Variants in HEG1 observed in about 807,000 individuals in gnomAD.
HEG1 encodes the protein heart development protein with EGF like domains 1.
HEG1 carries 56 observed loss-of-function variants against 125.6 expected under a neutral mutation model. That is an observed-to-expected ratio of 0.45 (90% CI 0.36 to 0.56). The LOEUF is 0.56. Ranked by LOEUF, HEG1 falls within the 20% of genes least tolerant of loss-of-function variation. The pLI is 0.00. For missense variants in HEG1, 1,523 were observed against 1,670.0 expected (o/e 0.91, Z 1.53); for synonymous variants, 644 against 668.5 (o/e 0.96, Z 0.57).
chr3:124,966,443 T>G lies in HEG1; in HGVS notation c.*4209A>C, dbSNP rs1325171648. The G allele has an allele frequency of 6.6e-6, 1 of 152,144 alleles. No individual in the cohort carries two copies. The highest frequency in any genetic ancestry group is 2.4e-5 in the African/African-American group (1 of 41,426). 9.4% of individuals were successfully genotyped at this position (152,144 alleles called of 1,614,324 possible). ...TAGTCAGTTCTCTTCCTTGGAGATT[T>G]AAGAAAAAAAGAAAACATACCCAAA... On this transcript the variant is annotated 3_prime_UTR_variant, in exon 17 of 17. Transcript: ENST00000311127.
intron 1 of HEG1, among the ~76,000 whole-genome samples, chr3:125,035,351 G>A (rs561708474): frequency 6.6e-6 from 1 of 152,200 alleles, no homozygotes; most frequent in Admixed American, 6.5e-5. Context: ...AACGAAACAT[G>A]TACCTCTATC....
At chr3:124,989,475 T>A (rs1274749608) in intron 14 of HEG1, among the ~76,000 whole-genome samples, 1 of 151,224 alleles carries the variant, frequency 6.6e-6, no homozygotes, top group Admixed American at 6.6e-5. Flanking sequence ...TTGTTAGTAT[T>A]TCTATTACAT....
At chr3:124,977,813 G>A (rs1165483251) in intron 15 of HEG1, 46 bp downstream of exon 15, 2 of 1,269,676 alleles carry the variant, frequency 1.6e-6, no homozygotes, top group African/African-American at 3.0e-5. Context: ...CCCTTGTATA[G>A]CACAGGCAAA....
chr3:125,040,432 G>A (rs375162272), intron 1 of HEG1, among the ~76,000 whole-genome samples: 1 of 152,076 alleles, frequency 6.6e-6, no homozygotes, highest in African/African-American at 2.4e-5. Flanking sequence ...CTAGGGTGTC[G>A]CCTGGTAGAA....
chr3:125,050,142 CTT>C (rs35715939), intron 1 of HEG1, among the ~76,000 whole-genome samples: 3,548 of 113,558 alleles, frequency 0.031, 48 homozygotes, highest in South Asian at 0.11. Context: ...CACCAACTCT[CTT>C]TTTTTTTTTT....
At chr3:125,037,175 T>C (rs9289240) in intron 1 of HEG1, among the ~76,000 whole-genome samples, 27,077 of 152,248 alleles carry the variant, frequency 0.18, 3,270 homozygotes, top group Non-Finnish European at 0.27. Context: ...AATGCAAACA[T>C]AAATTATAAA....
chr3:125,020,767 G>T, intron 4 of HEG1, 25 bp downstream of exon 4: 5 of 1,572,264 alleles, frequency 3.2e-6, no homozygotes, highest in South Asian at 1.2e-5. Context: ...GTCCCTAATA[G>T]ATCAAGTAAA....
intron 15 of HEG1, among the ~76,000 whole-genome samples, chr3:124,976,795 C>T (rs1458567601): frequency 1.3e-5 from 2 of 152,236 alleles, no homozygotes; most frequent in African/African-American, 2.4e-5. Context: ...CCCCTAGCCC[C>T]CCACCTCTTG....
At chr3:125,043,794 G>T (rs1937621676) in intron 1 of HEG1, among the ~76,000 whole-genome samples, 1 of 152,026 alleles carries the variant, frequency 6.6e-6, no homozygotes, top group African/African-American at 2.4e-5. Context: ...TGGGTGGCAG[G>T]GCTCCACCAA....
intron 1 of HEG1, among the ~76,000 whole-genome samples, chr3:125,053,494 G>A (rs776432124): frequency 1.8e-4 from 27 of 152,072 alleles, no homozygotes; most frequent in Admixed American, 1.8e-3. Context: ...TCTTCTAATC[G>A]CACCTTCCTA....
chr3:125,055,503 G>T, intron 1 of HEG1, 72 bp downstream of exon 1: 3 of 1,031,736 alleles, frequency 2.9e-6, no homozygotes, highest in South Asian at 4.8e-5. Flanking sequence ...CTACGGCTGG[G>T]GATGCAGCCC....
chr3:124,997,752 C>T lies in HEG1; in HGVS notation c.3589G>A (p.Val1197Ile), dbSNP rs150957980. The T allele has an allele frequency of 2.4e-4, 379 of 1,598,300 alleles. No individual in the cohort carries two copies. The African/African-American group carries it at 4.2e-3, about 18-fold the overall frequency. The change falls in exon 12 of 17, where the codon GTT becomes ATT. Residue 1197 changes from valine (V) to isoleucine (I), a missense_variant. Coordinates refer to ENST00000311127, the MANE Select transcript of HEG1 (RefSeq NM_020733.2). ...CCCGACTTGCACTGGCACAGGGCAA[C>T]GCCGTCCAGGTCAGTGCAGATGGAG... ...DTSICTDLDG[V>I]ALCQCKSGYF...
chr3:124,973,652 T>C lies in HEG1; in HGVS notation c.3996+79A>G, dbSNP rs913956846. ...TAACCCTTAACTAACTGTAATGCTT[T>C]TACTACAACAAAACAGAATTCCTTT... On this transcript the variant is annotated intron_variant, in intron 16 of 16. Transcript: ENST00000311127. 4.3e-6 allele frequency: 5 copies of C among 1,172,598 alleles called. No homozygotes were observed. The African/African-American group carries it at 7.7e-5, about 18-fold the overall frequency. 72.6% of individuals were successfully genotyped at this position (1,172,598 alleles called of 1,614,324 possible). A position where few individuals can be genotyped will look rare whatever the true frequency, so the allele number is the denominator to read the frequency against.
chr3:124,992,801 G>C (rs1305908458), intron 12 of HEG1, among the ~76,000 whole-genome samples: 84 of 152,340 alleles, frequency 5.5e-4, no homozygotes, highest in Non-Finnish European at 5.9e-5. Flanking sequence ...CAAAAACACT[G>C]TTCTAAATCA....
chr3:125,042,872 G>A (rs1309560424), intron 1 of HEG1, among the ~76,000 whole-genome samples: 1 of 152,218 alleles, frequency 6.6e-6, no homozygotes, highest in Non-Finnish European at 1.5e-5. Flanking sequence ...AAAAGCAGCC[G>A]CCCACTCAGC....
rs757540280 is a variant in HEG1 at position 125,012,939 on chromosome 3, C to T, written c.2640G>A (p.Gln880=). 1.2e-6 allele frequency: 2 copies of T among 1,614,058 alleles called. No homozygotes were observed. Among genetic ancestry groups the T allele is most frequent in the East Asian group, 2.2e-5 (1 of 44,886 alleles). ...GTATTTCAGGATGGGTCAGCGAGAG[C>T]TGTTTTCCAGCTGTAGTCTGTACGG... is the stretch of plus-strand genomic sequence containing the variant. ...PIAVQTTAGK[Q]LSLTHPEILV... is the part of the protein sequence containing the mutation. The change falls in exon 6 of 17, where the codon CAG becomes CAA. Residue 880 remains glutamine (Q), a synonymous_variant. Transcript: ENST00000311127.
At chr3:124,979,643 C>A (rs751893207) in intron 14 of HEG1, among the ~76,000 whole-genome samples, 1 of 151,968 alleles carries the variant, frequency 6.6e-6, no homozygotes, top group South Asian at 2.1e-4. Context: ...CACCAGTAGC[C>A]GGATTCTCGA....
rs764062830 is a variant in HEG1 at position 124,970,663 on chromosome 3, CTCT to C, written c.4132_4134del (p.Arg1378del). 4.7e-5 allele frequency: 75 copies of C among 1,600,890 alleles called. No individual in the cohort carries two copies. The East Asian group carries it at 1.1e-3, about 24-fold the overall frequency. ...TCTCTCTCCTGGACTTAAAAGTAGT[CTCT>C]TCTTCTGCTTTCATCACTGATGAAA... On this transcript the variant is annotated inframe_deletion, in exon 17 of 17. Coordinates refer to ENST00000311127, the MANE Select transcript of HEG1 (RefSeq NM_020733.2).
intron 8 of HEG1, among the ~76,000 whole-genome samples, chr3:125,007,276 A>T (rs897492086): frequency 6.6e-6 from 1 of 152,076 alleles, no homozygotes; most frequent in Non-Finnish European, 1.5e-5. Context: ...AGGACAGTAA[A>T]CGTGGCATCT....
Sources: allele counts gnomAD v4.1 joint callset (sites outside exome capture counted in the v4.1 genomes callset), GRCh38; gene constraint gnomAD v4.1.1; transcripts MANE v1.5; gene names NCBI Gene and HGNC (gene_info 2026-07-23, HGNC 2026-07-21).